Variants in KCNN2 observed in about 807,000 individuals in gnomAD.
KCNN2 encodes small conductance calcium-activated potassium channel protein 2.
In KCNN2, 24 loss-of-function variants were observed where a neutral mutation model predicts 55.5. The ratio of observed to expected loss-of-function variants is 0.43; its 90% CI spans 0.31 to 0.61. KCNN2 has a LOEUF of 0.61. KCNN2 is among the 20% of genes least tolerant of loss of function. The probability of loss-of-function intolerance (pLI) is 0.08; values close to 1 mark genes in which losing one functional copy is unlikely to be tolerated. For missense variants in KCNN2, 754 were observed against 853.6 expected (o/e 0.88, Z 1.45); for synonymous variants, 431 against 336.1 (o/e 1.28, Z -3.09).
At chr5:114,385,777 T>C (rs1758262589) in intron 2 of KCNN2, among the ~76,000 whole-genome samples, 1 of 152,032 alleles carries the variant, frequency 6.6e-6, no homozygotes, top group Non-Finnish European at 1.5e-5. Context: ...ACTAATGTAA[T>C]GTATGATAAA....
chr5:114,232,925 G>GTTTTGTTTTTTT (rs1554076024), intron 2 of KCNN2, among the ~76,000 whole-genome samples: 1 of 76,276 alleles, frequency 1.3e-5, no homozygotes, highest in Non-Finnish European at 2.4e-5. Flanking sequence ...ATTGTTTCTT[G>GTTTTGTTTTTTT]TTTTTTTTTT....
At chr5:114,328,307 A>G (rs1376509113) in intron 2 of KCNN2, among the ~76,000 whole-genome samples, 1 of 152,118 alleles carries the variant, frequency 6.6e-6, no homozygotes, top group Non-Finnish European at 1.5e-5. Context: ...TCTGAGGCAG[A>G]TCTACAGCAG....
At chr5:114,082,105 T>C (rs962303038) in intron 1 of KCNN2, among the ~76,000 whole-genome samples, 1 of 151,952 alleles carries the variant, frequency 6.6e-6, no homozygotes, top group African/African-American at 2.4e-5. Flanking sequence ...TCCCAGTACT[T>C]TGGGAGGCCA....
At chr5:114,324,744 A>C (rs1410227888) in intron 2 of KCNN2, among the ~76,000 whole-genome samples, 4 of 152,222 alleles carry the variant, frequency 2.6e-5, no homozygotes, top group Admixed American at 2.6e-4. Flanking sequence ...CAAATCCTTG[A>C]AATGTGAAAG....
At chr5:114,212,294 A>G (rs1753903058) in intron 1 of KCNN2, among the ~76,000 whole-genome samples, 1 of 152,056 alleles carries the variant, frequency 6.6e-6, no homozygotes, top group Admixed American at 6.6e-5. Context: ...ACCTAGTCCA[A>G]AGGATTGCAT....
At chr5:114,278,809 G>T (rs1297252084) in intron 2 of KCNN2, among the ~76,000 whole-genome samples, 1 of 152,176 alleles carries the variant, frequency 6.6e-6, no homozygotes, top group Non-Finnish European at 1.5e-5. Context: ...GAAATCCTCT[G>T]ATCCCTTGTG....
intron 2 of KCNN2, among the ~76,000 whole-genome samples, chr5:114,284,985 G>A (rs1195313447): frequency 6.6e-6 from 1 of 151,688 alleles, no homozygotes; most frequent in African/African-American, 2.4e-5. Flanking sequence ...GGTACCTTGG[G>A]CAGAGTAAGT....
At chr5:114,147,273 A>G (rs1277288011) in intron 1 of KCNN2, among the ~76,000 whole-genome samples, 2 of 144,446 alleles carry the variant, frequency 1.4e-5, no homozygotes, top group Non-Finnish European at 1.5e-5. Flanking sequence ...ATGATTATCA[A>G]TAGTGCCAGT....
At chr5:114,327,007 A>T (rs1206883030) in intron 2 of KCNN2, among the ~76,000 whole-genome samples, 2 of 152,220 alleles carry the variant, frequency 1.3e-5, no homozygotes, top group African/African-American at 2.4e-5. Flanking sequence ...GACAGATTAA[A>T]GGTGCTGTGA....
intron 1 of KCNN2, among the ~76,000 whole-genome samples, chr5:114,157,906 CT>C (rs1351448669): frequency 6.6e-6 from 1 of 151,198 alleles, no homozygotes; most frequent in Non-Finnish European, 1.5e-5. Context: ...GATATTAGCC[CT>C]TTGTCAGATG....
At chr5:114,382,565 C>T (rs767385599) in intron 2 of KCNN2, among the ~76,000 whole-genome samples, 2 of 152,166 alleles carry the variant, frequency 1.3e-5, no homozygotes, top group Non-Finnish European at 1.5e-5. Flanking sequence ...TGCTTTGAAG[C>T]ACTAGACATA....
intron 1 of KCNN2, among the ~76,000 whole-genome samples, chr5:114,127,021 C>T (rs1246313564): frequency 6.6e-6 from 1 of 152,212 alleles, no homozygotes; most frequent in Non-Finnish European, 1.5e-5. Flanking sequence ...GAGATGGGCT[C>T]CCATAGCCTT....
chr5:114,247,352 T>C (rs2112622549), intron 2 of KCNN2, among the ~76,000 whole-genome samples: 1 of 152,264 alleles, frequency 6.6e-6, no homozygotes, highest in East Asian at 1.9e-4. Flanking sequence ...GGTCACTGTC[T>C]GTCCATAAAT....
chr5:114,065,213 G>A (rs779079194), intron 1 of KCNN2, among the ~76,000 whole-genome samples: 2 of 152,152 alleles, frequency 1.3e-5, no homozygotes, highest in African/African-American at 4.8e-5. Flanking sequence ...TAGGAGAGAA[G>A]ACAAAAGAGG....
At chr5:114,251,676 C>T (rs1199509321) in intron 2 of KCNN2, among the ~76,000 whole-genome samples, 1 of 152,082 alleles carries the variant, frequency 6.6e-6, no homozygotes, top group African/African-American at 2.4e-5. Context: ...TGCATTCCAC[C>T]TGAACTGTTA....
At chr5:114,345,202 G>GA (rs1757084954) in intron 2 of KCNN2, among the ~76,000 whole-genome samples, 1 of 151,850 alleles carries the variant, frequency 6.6e-6, no homozygotes, top group South Asian at 2.1e-4. Flanking sequence ...CTTGTTAAGT[G>GA]AAAAAAGTAA....
At chr5:114,483,112 A>G (rs768951947) in intron 5 of KCNN2, among the ~76,000 whole-genome samples, 1 of 152,010 alleles carries the variant, frequency 6.6e-6, no homozygotes, top group Non-Finnish European at 1.5e-5. Flanking sequence ...TATTATACTT[A>G]AAAATATTTT....
In KCNN2 at chr5:114,140,762, CATTATTATTATT is replaced by C. The variant is rs61070958; in HGVS notation, c.-270-80687_-270-80676del. ...TATTGCAAAACATTACTGTCATCCT[CATTATTATTATT>C]ATTATTATTATTATTATTATTATTA... On this transcript the variant is annotated intron_variant, in intron 1 of 10. Coordinates refer to the KCNN2 transcript ENST00000512097. 8.4e-3 allele frequency among the ~76,000 whole-genome samples: 1,172 copies of C among 139,908 alleles called. 12 individuals carry two copies. Among genetic ancestry groups the C allele is most frequent in the Non-Finnish European group, 0.012 (815 of 65,316 alleles). The allele number at this position is 139,908 out of a possible 152,430, so 91.8% of individuals were successfully genotyped here. A position where few individuals can be genotyped will look rare whatever the true frequency, so the allele number is the denominator to read the frequency against.
At chr5:114,312,042 T>A (rs934363927) in intron 2 of KCNN2, among the ~76,000 whole-genome samples, 1 of 152,088 alleles carries the variant, frequency 6.6e-6, no homozygotes, top group Non-Finnish European at 1.5e-5. Context: ...TATCAGTGAA[T>A]CAGGGATCTA....
Sources: gnomAD v4.1 joint callset for allele counts (sites outside exome capture counted in the v4.1 genomes callset) on GRCh38, gnomAD v4.1.1 for gene constraint, MANE v1.5 for transcripts, NCBI Gene and HGNC (gene_info 2026-07-23, HGNC 2026-07-21) for gene names.